PDE7A: variants seen among roughly 807,000 people sequenced by gnomAD.
PDE7A encodes phosphodiesterase 7A, also known as high affinity 3',5'-cyclic-AMP phosphodiesterase 7A.
In PDE7A, 39 loss-of-function variants were observed where a neutral mutation model predicts 64.3. That is an observed-to-expected ratio of 0.61 (90% CI 0.47 to 0.79). The LOEUF is 0.79. PDE7A is among the 30% of genes least tolerant of loss of function. The pLI, the probability that PDE7A is intolerant of heterozygous loss-of-function variation, is 0.00. For synonymous variants in PDE7A, 203 were observed against 206.8 expected (o/e 0.98, Z 0.16); for missense variants, 470 against 582.8 (o/e 0.81, Z 1.99).
chr8:65,833,245 C>T lies in PDE7A; in HGVS notation c.138+8126G>A, dbSNP rs934513299. Among the ~76,000 whole-genome samples the T allele has an allele frequency of 3.3e-5, 5 of 152,150 alleles. No individual in the cohort carries two copies. In the East Asian group the frequency reaches 7.7e-4, roughly 23 times the overall value. ...CTGGCTAAAATCTGAGACTTTTTTT[C>T]TCCAGAGAAGTGGTTTCAAATCACC... On this transcript the variant is annotated intron_variant, in intron 1 of 12. Transcript: ENST00000401827.
intron 9 of PDE7A, 52 bp from the exon 10 acceptor site, chr8:65,724,973 T>C: frequency 8.1e-7 from 1 of 1,233,116 alleles, no homozygotes; most frequent in Non-Finnish European, 1.1e-6. Flanking sequence ...ATTAACTATT[T>C]ATTGATTTTT....
chr8:65,734,905 G>A lies in PDE7A; in HGVS notation c.596-11C>T. The A allele has an allele frequency of 1.9e-6, 3 of 1,544,300 alleles. No individual in the cohort carries two copies. The highest frequency in any genetic ancestry group is 2.7e-6 in the Non-Finnish European group (3 of 1,116,900). On this transcript the variant is annotated splice_polypyrimidine_tract_variant and intron_variant, in intron 6 of 12. Coordinates refer to ENST00000401827, the MANE Select transcript of PDE7A (RefSeq NM_001242318.3). ...CTTCTTGAATCATAACTGCATCAAA[G>A]AAAGAGATCCCGATTTTATTGTATA...
intron 4 of PDE7A, among the ~76,000 whole-genome samples, chr8:65,747,027 T>G (rs1807703488): frequency 1.3e-5 from 2 of 152,212 alleles, no homozygotes; most frequent in Non-Finnish European, 2.9e-5. Context: ...TGATGTTCAG[T>G]AAGACATTTC....
intron 1 of PDE7A, among the ~76,000 whole-genome samples, chr8:65,811,954 C>T (rs948383988): frequency 1.3e-5 from 2 of 152,108 alleles, no homozygotes; most frequent in African/African-American, 4.8e-5. Context: ...CACCTGTAAT[C>T]CCAGCACTTT....
chr8:65,829,812 G>A (rs1271717903), intron 1 of PDE7A, among the ~76,000 whole-genome samples: 3 of 152,058 alleles, frequency 2.0e-5, no homozygotes, highest in African/African-American at 7.2e-5. Flanking sequence ...AAAAATGACA[G>A]ATGAATAAGG....
intron 1 of PDE7A, among the ~76,000 whole-genome samples, chr8:65,823,347 A>C (rs982355731): frequency 6.6e-6 from 1 of 152,176 alleles, no homozygotes; most frequent in African/African-American, 2.4e-5. Flanking sequence ...CAGGTAATCT[A>C]TGTTCTGCTT....
intron 3 of PDE7A, among the ~76,000 whole-genome samples, chr8:65,759,523 C>CA (rs915752366): frequency 6.6e-6 from 1 of 152,056 alleles, no homozygotes; most frequent in African/African-American, 2.4e-5. Flanking sequence ...GCTGTCCTGC[C>CA]AAAAAACAGT....
intron 3 of PDE7A, among the ~76,000 whole-genome samples, chr8:65,764,804 C>T (rs10808747): frequency 0.42 from 63,108 of 151,998 alleles, 14,762 homozygotes; most frequent in African/African-American, 0.62. Flanking sequence ...AAATCAAATA[C>T]ACATGAGGAA....
chr8:65,744,733 G>A (rs147698973), intron 5 of PDE7A, among the ~76,000 whole-genome samples: 98 of 152,282 alleles, frequency 6.4e-4, no homozygotes, highest in African/African-American at 2.3e-3. Context: ...TAAAAAACAT[G>A]AGATAATAAT....
rs1392347677 is a variant in PDE7A, at chr8:65,715,831, C to A, written c.*3459G>T. Among the ~76,000 whole-genome samples, 1 of 149,406 alleles carries A rather than the reference C, an allele frequency of 6.7e-6. No individual in the cohort carries two copies. Among genetic ancestry groups the A allele is most frequent in the Non-Finnish European group, 1.5e-5 (1 of 67,216 alleles). The stretch of plus-strand genomic sequence containing the variant: ...AAACCCTAACTCTACTAATAAAGTA[C>A]AAAAAAATTAGCAGGGCCTGGTGGC... On this transcript the variant is annotated 3_prime_UTR_variant, in exon 13 of 13. Coordinates refer to ENST00000401827, the MANE Select transcript of PDE7A (RefSeq NM_001242318.3).
At chr8:65,783,779 G>T (rs1426259458) in intron 1 of PDE7A, among the ~76,000 whole-genome samples, 2 of 152,144 alleles carry the variant, frequency 1.3e-5, no homozygotes, top group Non-Finnish European at 2.9e-5. Flanking sequence ...TGACTAAATG[G>T]ACTTATTGCA....
At chr8:65,780,812 A>G (rs1244030470) in intron 2 of PDE7A, 1 of 152,228 alleles carries the variant, frequency 6.6e-6, no homozygotes, top group Non-Finnish European at 1.5e-5. Flanking sequence ...TGCTCTTGCA[A>G]TTTGGCTTGC....
intron 5 of PDE7A, among the ~76,000 whole-genome samples, chr8:65,743,909 T>C (rs1807552662): frequency 6.6e-6 from 1 of 151,956 alleles, no homozygotes; most frequent in Admixed American, 6.6e-5. Context: ...CTCAGCTCAC[T>C]GCAACCTTTG....
At chr8:65,775,466 C>G (rs2128922428) in intron 3 of PDE7A, among the ~76,000 whole-genome samples, 1 of 152,310 alleles carries the variant, frequency 6.6e-6, no homozygotes, top group East Asian at 1.9e-4. Context: ...ATTTTCCCAT[C>G]TAGTCTTTAA....
chr8:65,777,406 C>T (rs1228800763), intron 3 of PDE7A, among the ~76,000 whole-genome samples: 1 of 152,128 alleles, frequency 6.6e-6, no homozygotes, highest in Non-Finnish European at 1.5e-5. Context: ...GTGAATTACA[C>T]TGATTGATTT....
At chr8:65,744,756 T>G (rs1050247150) in intron 5 of PDE7A, among the ~76,000 whole-genome samples, 3 of 152,134 alleles carry the variant, frequency 2.0e-5, no homozygotes, top group Non-Finnish European at 2.9e-5. Context: ...TTACTTTGGG[T>G]TATTAATAAT....
chr8:65,727,442 TAG>T, intron 7 of PDE7A, 141 bp from the exon 8 acceptor site: 1 of 1,214,192 alleles, frequency 8.2e-7, no homozygotes, highest in Non-Finnish European at 1.1e-6. Context: ...GGTTGTTCAT[TAG>T]GTTCACCAAG....
intron 3 of PDE7A, among the ~76,000 whole-genome samples, chr8:65,766,589 T>TATC (rs1379679456): frequency 6.6e-6 from 1 of 152,192 alleles, no homozygotes; most frequent in Non-Finnish European, 1.5e-5. Context: ...TAAACCACTC[T>TATC]ATGGTCAGCC....
chr8:65,727,127 A>G (rs542245927), intron 8 of PDE7A, 43 bp downstream of exon 8: 1 of 1,234,864 alleles, frequency 8.1e-7, no homozygotes, highest in South Asian at 1.3e-5. Context: ...AAGATTTTCT[A>G]GAATGCAAAA....
Sources: gnomAD v4.1 joint callset for allele counts (sites outside exome capture counted in the v4.1 genomes callset) on GRCh38, gnomAD v4.1.1 for gene constraint, MANE v1.5 for transcripts, NCBI Gene and HGNC (gene_info 2026-07-23, HGNC 2026-07-21) for gene names.